The following TTLL3 variants were observed in gnomAD, a reference collection of about 807,000 sequenced individuals.
The protein encoded by TTLL3 is tubulin monoglycylase TTLL3.
Under a neutral mutation model 75.2 loss-of-function variants are expected in TTLL3, and 63 were observed. The ratio of observed to expected loss-of-function variants is 0.84; its 90% CI spans 0.68 to 1.03. The LOEUF is 1.03. Ranked by LOEUF, TTLL3 falls within the 50% of genes least tolerant of loss-of-function variation. The pLI is 0.00. For synonymous variants in TTLL3, 393 were observed against 418.5 expected (o/e 0.94, Z 0.74); for missense variants, 997 against 1,069.9 (o/e 0.93, Z 0.95).
intron 12 of TTLL3, 54 bp downstream of exon 12, chr3:9,833,299 G>A (rs2081752856): frequency 6.2e-7 from 1 of 1,601,086 alleles, no homozygotes; most frequent in Admixed American, 1.8e-5. Flanking sequence ...AGGCACTGGG[G>A]CCAGGAGCCT....
intron 10 of TTLL3, chr3:9,827,466 G>T (rs11717031): frequency 0.65 from 445,968 of 688,626 alleles, 150,534 homozygotes; most frequent in Non-Finnish European, 0.7. Context: ...GCAGTGGCAT[G>T]GTCACGGCTC....
chr3:9,825,030 C>G (rs547407531), intron 8 of TTLL3, among the ~76,000 whole-genome samples: 5 of 152,074 alleles, frequency 3.3e-5, no homozygotes, highest in Admixed American at 2.0e-4. Flanking sequence ...CAGGAGCCAC[C>G]GTGCCTGGCC....
intron 12 of TTLL3, 126 bp from the exon 13 acceptor site, chr3:9,834,555 G>C: frequency 6.9e-7 from 1 of 1,450,534 alleles, no homozygotes; most frequent in Admixed American, 2.0e-5. Context: ...AGGAGGAACC[G>C]GGAGGGCTCC....
At chr3:9,810,242 G>C (rs1396856140), upstream of TTLL3, 12 of 1,508,956 alleles carry the variant, frequency 8.0e-6, no homozygotes, top group Middle Eastern at 2.2e-4. The surrounding 1 kb of genome is among the most constrained non-coding windows in gnomAD (Gnocchi z 4.4). Context: ...GGTCACGCAG[G>C]CGGCAGATGC....
In TTLL3 at chr3:9,820,613, T is replaced by C; in HGVS notation, c.726T>C (p.Ala242=). ...VLVSPEFVDE[A]LCACEEYLSN... is the part of the protein sequence containing the mutation. The stretch of plus-strand genomic sequence containing the variant: ...TGTCCCCAGAGTTTGTGGATGAAGC[T>C]CTGTGTGCGTGCGAGGAGTACCTTA... Residue 242 remains alanine, a synonymous_variant, in exon 8 of 14, where the codon GCT becomes GCC. Transcript: ENST00000685419. The C allele has an allele frequency of 6.2e-7, 1 of 1,614,042 alleles. No homozygotes were observed. Among genetic ancestry groups the C allele is most frequent in the Non-Finnish European group, 8.5e-7 (1 of 1,180,002 alleles).
chr3:9,820,986 A>G, intron 8 of TTLL3: 1 of 529,328 alleles, frequency 1.9e-6, no homozygotes, highest in South Asian at 3.7e-5. Flanking sequence ...CATTACCCAA[A>G]GTGTGTGTTG....
At chr3:9,810,229 GAGGGTCACGC>G (rs2079212059), upstream of TTLL3, 1 of 1,507,958 alleles carries the variant, frequency 6.6e-7, no homozygotes, top group South Asian at 1.2e-5. The surrounding 1 kb of genome is among the most constrained non-coding windows in gnomAD (Gnocchi z 4.4). Context: ...CCAGTCCGAG[GAGGGTCACGC>G]AGGCGGCAGA....
intron 5 of TTLL3, 36 bp downstream of exon 5, chr3:9,816,238 G>A (rs563706261): frequency 1.2e-5 from 16 of 1,329,038 alleles, no homozygotes; most frequent in African/African-American, 4.5e-5. Flanking sequence ...GGCAGCTTCC[G>A]ACCCCCTGCC....
At chr3:9,824,437 G>T (rs1452539008) in intron 8 of TTLL3, among the ~76,000 whole-genome samples, 1 of 152,158 alleles carries the variant, frequency 6.6e-6, no homozygotes, top group Non-Finnish European at 1.5e-5. Context: ...TTGAGATGGA[G>T]CCTCGCTCCG....
In TTLL3 at chr3:9,812,993, C is replaced by T. The variant is rs1559735500; in HGVS notation, c.99C>T (p.Leu33=). The T allele has an allele frequency of 6.4e-7, 1 of 1,555,884 alleles. No individual in the cohort carries two copies. The highest frequency in any genetic ancestry group is 8.7e-7 in the Non-Finnish European group (1 of 1,150,808). ...IQGCYPVIRC[L]LRRRGWVEKK... is the part of the protein sequence containing the mutation. The stretch of plus-strand genomic sequence containing the variant: ...GCTGCTACCCGGTGATCCGGTGTCT[C>T]TTGCGCCGGAGGGGCTGGGTGGAGA... Residue 33 remains leucine (L), a synonymous_variant, in exon 3 of 14, where the codon CTC becomes CTT. Transcript: ENST00000685419.
chr3:9,822,107 C>T (rs2080486889), intron 8 of TTLL3, among the ~76,000 whole-genome samples: 1 of 122,812 alleles, frequency 8.1e-6, no homozygotes, highest in Non-Finnish European at 1.6e-5. Context: ...GTTCTGTTGC[C>T]CAGGCTGGAG....
intron 8 of TTLL3, among the ~76,000 whole-genome samples, chr3:9,822,767 A>G (rs2080592809): frequency 6.9e-6 from 1 of 143,988 alleles, no homozygotes; most frequent in African/African-American, 2.5e-5. Context: ...AATACATAAT[A>G]TATACATATA....
intron 6 of TTLL3, 76 bp from the exon 7 acceptor site, chr3:9,818,746 G>A (rs2080127294): frequency 6.2e-7 from 1 of 1,609,368 alleles, no homozygotes; most frequent in Non-Finnish European, 8.5e-7. Context: ...AATGGGGCAA[G>A]TCATGATCAG....
chr3:9,820,448 C>T (rs2080303974), intron 7 of TTLL3, 98 bp from the exon 8 acceptor site: 1 of 1,559,626 alleles, frequency 6.4e-7, no homozygotes, highest in African/African-American at 1.4e-5. Context: ...CGTGCTGGGC[C>T]TCAGGTAAGT....
intron 13 of TTLL3, 34 bp from the exon 14 acceptor site, chr3:9,835,060 T>C: frequency 6.3e-7 from 1 of 1,590,038 alleles, no homozygotes; most frequent in Non-Finnish European, 8.6e-7. Context: ...AGACTTCTGA[T>C]CATCTCCCTC....
intron 8 of TTLL3, among the ~76,000 whole-genome samples, chr3:9,821,729 G>A (rs1347014062): frequency 3.9e-5 from 6 of 152,206 alleles, no homozygotes; most frequent in African/African-American, 1.2e-4. Context: ...GTGGCCAAGC[G>A]TGGTGGCTCA....
chr3:9,815,576 C>A (rs1367362629), intron 4 of TTLL3, among the ~76,000 whole-genome samples: 1 of 152,260 alleles, frequency 6.6e-6, no homozygotes, highest in East Asian at 1.9e-4. Flanking sequence ...CACTGTCCTG[C>A]CCCTGGGCAA....
At chr3:9,822,537 T>A (rs2080550196) in intron 8 of TTLL3, among the ~76,000 whole-genome samples, 1 of 151,566 alleles carries the variant, frequency 6.6e-6, no homozygotes, top group Non-Finnish European at 1.5e-5. Flanking sequence ...TTATTTTATT[T>A]TTTTGAGACA....
intron 11 of TTLL3, among the ~76,000 whole-genome samples, chr3:9,830,753 G>A (rs1467780699): frequency 6.6e-6 from 1 of 152,128 alleles, no homozygotes. Context: ...GACCCAAAAT[G>A]TCTAGCTTGG....
Sources: allele counts gnomAD v4.1 joint callset (sites outside exome capture counted in the v4.1 genomes callset), GRCh38; gene constraint gnomAD v4.1.1; non-coding constraint Gnocchi (gnomAD v3.1); transcripts MANE v1.5; gene names NCBI Gene and HGNC (gene_info 2026-07-23, HGNC 2026-07-21).